The following AFG2A variants were observed in gnomAD, a reference collection of about 807,000 sequenced individuals.
AFG2A encodes the protein ATPase family gene 2 protein homolog A.
At chr4:123,284,430 T>G in the AFG2A span, among the ~76,000 whole-genome samples, 7 of 152,332 alleles carry the variant, frequency 4.6e-5, no homozygotes, top group East Asian at 1.3e-3. Flanking sequence ...ATTATTTAAT[T>G]TCCTCCTGAA....
At chr4:123,007,629 T>TAC in the AFG2A span, among the ~76,000 whole-genome samples, 4,709 of 98,958 alleles carry the variant, frequency 0.048, 221 homozygotes, top group African/African-American at 0.1. Flanking sequence ...TATATATATA[T>TAC]ACACACACAC....
chr4:123,283,836 C>G, the AFG2A span, among the ~76,000 whole-genome samples: 1 of 152,176 alleles, frequency 6.6e-6, no homozygotes, highest in Non-Finnish European at 1.5e-5. Flanking sequence ...CCAGGAGGAA[C>G]TGTGTTCTCC....
At chr4:123,098,027 GTT>G in the AFG2A span, among the ~76,000 whole-genome samples, 3 of 152,032 alleles carry the variant, frequency 2.0e-5, no homozygotes, top group African/African-American at 7.2e-5. Context: ...ATTTGATTAT[GTT>G]TTGTCTGTTA....
chr4:123,225,304 G>A, the AFG2A span, among the ~76,000 whole-genome samples: 2 of 152,154 alleles, frequency 1.3e-5, no homozygotes, highest in Non-Finnish European at 2.9e-5. Flanking sequence ...GTCCTGAATG[G>A]TGTTGCCTAG....
the AFG2A span, among the ~76,000 whole-genome samples, chr4:123,083,559 C>CTTTTTTTT: frequency 7.5e-6 from 1 of 132,886 alleles, no homozygotes; most frequent in Non-Finnish European, 1.6e-5. Flanking sequence ...TATAATTATT[C>CTTTTTTTT]TTTTTTTTTT....
At chr4:123,080,811 A>G in the AFG2A span, among the ~76,000 whole-genome samples, 1 of 152,058 alleles carries the variant, frequency 6.6e-6, no homozygotes, top group Non-Finnish European at 1.5e-5. Context: ...TATTTCTCAC[A>G]TATATCCACT....
chr4:123,014,953 G>A, the AFG2A span, among the ~76,000 whole-genome samples: 1 of 152,054 alleles, frequency 6.6e-6, no homozygotes. Context: ...ACTCCCATCT[G>A]TGAAATTGTT....
At chr4:122,934,871 A>C in the AFG2A span, 1 of 1,194,162 alleles carries the variant, frequency 8.4e-7, no homozygotes, top group Non-Finnish European at 1.1e-6. Flanking sequence ...AGAAGATTTC[A>C]GTTGCTTTGG....
chr4:122,939,698 G>A, the AFG2A span, among the ~76,000 whole-genome samples: 1 of 151,656 alleles, frequency 6.6e-6, no homozygotes, highest in Non-Finnish European at 1.5e-5. Context: ...AGTTACATAT[G>A]TATACATGTG....
At chr4:122,996,209 T>G in the AFG2A span, among the ~76,000 whole-genome samples, 3 of 152,178 alleles carry the variant, frequency 2.0e-5, no homozygotes, top group African/African-American at 4.8e-5. Flanking sequence ...AAAAGTTATT[T>G]TATGACCTCT....
chr4:123,019,308 A>G, the AFG2A span, among the ~76,000 whole-genome samples: 5 of 152,088 alleles, frequency 3.3e-5, no homozygotes, highest in African/African-American at 1.2e-4. Context: ...CAAGTTCTAA[A>G]TTTTAGAAGA....
chr4:123,283,014 G>T, the AFG2A span, among the ~76,000 whole-genome samples: 1 of 152,024 alleles, frequency 6.6e-6, no homozygotes, highest in Non-Finnish European at 1.5e-5. Flanking sequence ...TAAGTGTCTT[G>T]CACTTTTATG....
At chr4:123,011,062 T>C in the AFG2A span, among the ~76,000 whole-genome samples, 1 of 152,234 alleles carries the variant, frequency 6.6e-6, no homozygotes, top group Non-Finnish European at 1.5e-5. Flanking sequence ...CCTTTTGCCT[T>C]CAAACCAAAA....
At chr4:122,954,804 C>T in the AFG2A span, among the ~76,000 whole-genome samples, 1 of 147,184 alleles carries the variant, frequency 6.8e-6, no homozygotes, top group Non-Finnish European at 1.5e-5. Context: ...ACAGCTCAGG[C>T]ATCTAACTTT....
At chr4:123,083,378 T>C in the AFG2A span, among the ~76,000 whole-genome samples, 1 of 149,452 alleles carries the variant, frequency 6.7e-6, no homozygotes, top group Admixed American at 6.7e-5. Flanking sequence ...TTTTGTCAAA[T>C]ATTTTCTTCA....
chr4:122,964,400 A>C, the AFG2A span, among the ~76,000 whole-genome samples: 1 of 151,698 alleles, frequency 6.6e-6, no homozygotes, highest in African/African-American at 2.4e-5. Flanking sequence ...GCTGCTTGGG[A>C]GGCTGAGGCA....
chr4:123,098,689 A>G, the AFG2A span, among the ~76,000 whole-genome samples: 2 of 152,006 alleles, frequency 1.3e-5, no homozygotes, highest in African/African-American at 4.8e-5. Context: ...GTCACAAATG[A>G]CAGGATTTCC....
the AFG2A span, among the ~76,000 whole-genome samples, chr4:123,158,181 A>G: frequency 6.6e-6 from 1 of 152,206 alleles, no homozygotes; most frequent in Non-Finnish European, 1.5e-5. Flanking sequence ...CATTTGACAC[A>G]TATGACCATT....
At chr4:123,139,978 C>A in the AFG2A span, among the ~76,000 whole-genome samples, 1 of 151,982 alleles carries the variant, frequency 6.6e-6, no homozygotes, top group Non-Finnish European at 1.5e-5. Flanking sequence ...AAGCAGCCCT[C>A]AGGAGTAGGC....
Sources: gnomAD v4.1 joint callset for allele counts (sites outside exome capture counted in the v4.1 genomes callset) on GRCh38, gnomAD v4.1.1 for gene constraint, MANE v1.5 for transcripts, NCBI Gene and HGNC (gene_info 2026-07-23, HGNC 2026-07-21) for gene names.